EPM2A: variants seen among roughly 807,000 people sequenced by gnomAD.
The protein encoded by EPM2A is laforin.
Under a neutral mutation model 26.5 loss-of-function variants are expected in EPM2A, and 21 were observed. The observed-to-expected ratio is 0.79, with a 90% confidence interval of 0.56 to 1.14. The LOEUF (loss-of-function observed/expected upper bound fraction) is 1.14, where lower values mean the gene tolerates loss of function less well. Ranked by LOEUF, EPM2A falls within the 50% of genes most tolerant of loss-of-function variation. The pLI is 0.00. For missense variants in EPM2A, 458 were observed against 440.8 expected (o/e 1.04, Z -0.35); for synonymous variants, 217 against 177.6 (o/e 1.22, Z -1.76).
At chr6:145,443,297 T>C (rs1478203063) in intron 4 of EPM2A, among the ~76,000 whole-genome samples, 2 of 152,220 alleles carry the variant, frequency 1.3e-5, no homozygotes, top group Non-Finnish European at 2.9e-5. Context: ...AGGAATAGCA[T>C]TGAATCCAGA....
Position 145,618,050 on chromosome 6 carries a change from T to A in EPM2A, c.340+17195A>T, listed in dbSNP as rs183579511. 2.6e-5 allele frequency among the ~76,000 whole-genome samples: 4 copies of A among 152,332 alleles called. No homozygotes were observed. The East Asian group carries it at 7.7e-4, about 29-fold the overall frequency. ...GTCATAGAATGGGCCAAAGCCTGTT[T>A]GCCAAGCACTGTTTACAGTTTCTAC... On this transcript the variant is annotated intron_variant, in intron 2 of 3. Transcript: ENST00000450221.
chr6:145,419,220 A>G (rs1387352415), intron 4 of EPM2A, among the ~76,000 whole-genome samples: 2 of 122,880 alleles, frequency 1.6e-5, no homozygotes, highest in African/African-American at 5.7e-5. Flanking sequence ...GCATGGCCTC[A>G]CCATTGAACA....
At chr6:145,446,340 T>C (rs1283286162) in intron 4 of EPM2A, among the ~76,000 whole-genome samples, 1 of 152,262 alleles carries the variant, frequency 6.6e-6, no homozygotes, top group African/African-American at 2.4e-5. Context: ...TAATATGCTA[T>C]GTAGCAAAAG....
At chr6:145,581,792 T>C (rs1413453830) in intron 2 of EPM2A, among the ~76,000 whole-genome samples, 1 of 152,230 alleles carries the variant, frequency 6.6e-6, no homozygotes, top group Non-Finnish European at 1.5e-5. Flanking sequence ...AAAAATCAGA[T>C]GGTCATAGAT....
At chr6:145,576,945 G>T (rs1037526520) in intron 2 of EPM2A, among the ~76,000 whole-genome samples, 18 of 151,470 alleles carry the variant, frequency 1.2e-4, no homozygotes. Context: ...TTAGAGTTAA[G>T]TTGTTATCAG....
chr6:145,475,918 G>A (rs954665125), intron 4 of EPM2A, among the ~76,000 whole-genome samples: 1 of 151,890 alleles, frequency 6.6e-6, no homozygotes, highest in African/African-American at 2.4e-5. Flanking sequence ...GCAGCAATAA[G>A]TTCTTATTTA....
intron 2 of EPM2A, among the ~76,000 whole-genome samples, chr6:145,538,177 C>T (rs926833001): frequency 1.3e-5 from 2 of 152,040 alleles, no homozygotes; most frequent in Non-Finnish European, 2.9e-5. Flanking sequence ...GAGGAATCAC[C>T]ACACTGTCTT....
At chr6:145,632,888 T>C (rs1389718099) in intron 3 of EPM2A, among the ~76,000 whole-genome samples, 1 of 152,150 alleles carries the variant, frequency 6.6e-6, no homozygotes, top group Non-Finnish European at 1.5e-5. Flanking sequence ...GCCAAAGAAA[T>C]CCATTAGTCG....
intron 4 of EPM2A, among the ~76,000 whole-genome samples, chr6:145,494,189 A>G (rs1232019246): frequency 6.6e-6 from 1 of 152,136 alleles, no homozygotes; most frequent in Non-Finnish European, 1.5e-5. Flanking sequence ...CAGGGATTCA[A>G]TTTCTTCCTG....
At chr6:145,692,672 G>T (rs1361581622) in intron 1 of EPM2A, among the ~76,000 whole-genome samples, 1 of 152,046 alleles carries the variant, frequency 6.6e-6, no homozygotes, top group Non-Finnish European at 1.5e-5. Flanking sequence ...TTATTGAATA[G>T]GGTCCTTTCC....
intron 2 of EPM2A, among the ~76,000 whole-genome samples, chr6:145,554,477 CAGAG>C (rs923910795): frequency 6.9e-6 from 1 of 144,618 alleles, no homozygotes; most frequent in East Asian, 2.1e-4. Flanking sequence ...GATACATAGA[CAGAG>C]AGACAGATTG....
At chr6:145,398,636 G>C (rs1228436038) in intron 4 of EPM2A, among the ~76,000 whole-genome samples, 1 of 152,022 alleles carries the variant, frequency 6.6e-6, no homozygotes, top group African/African-American at 2.4e-5. Context: ...GAGGCGGGCA[G>C]ATCACTTGAA....
intron 3 of EPM2A, 76 bp downstream of exon 3, chr6:145,635,169 A>C: frequency 6.5e-7 from 1 of 1,531,954 alleles, no homozygotes. Flanking sequence ...TTAAGATATT[A>C]AATTATAGAT....
intron 4 of EPM2A, among the ~76,000 whole-genome samples, chr6:145,409,370 T>A (rs531633237): frequency 3.0e-4 from 46 of 152,192 alleles, no homozygotes; most frequent in Admixed American, 5.2e-4. Flanking sequence ...TAGGTAGCCA[T>A]TTTTATGTAT....
chr6:145,625,056 CATA>C (rs2128554533), downstream of EPM2A, among the ~76,000 whole-genome samples: 1 of 152,214 alleles, frequency 6.6e-6, no homozygotes, highest in South Asian at 2.1e-4. Context: ...CAGCTAATGG[CATA>C]ATATCTGCTT....
intron 4 of EPM2A, among the ~76,000 whole-genome samples, chr6:145,450,668 C>G (rs1340542086): frequency 6.6e-6 from 1 of 152,162 alleles, no homozygotes; most frequent in East Asian, 1.9e-4. Flanking sequence ...CTCTCCTGTG[C>G]TCTGTACTGG....
chr6:145,711,551 C>T (rs1249111909), intron 1 of EPM2A, among the ~76,000 whole-genome samples: 1 of 152,016 alleles, frequency 6.6e-6, no homozygotes, highest in South Asian at 2.1e-4. Context: ...GATACAACAT[C>T]CTAGGATTAG....
chr6:145,681,330 C>T (rs1482122242), intron 2 of EPM2A, among the ~76,000 whole-genome samples: 1 of 150,748 alleles, frequency 6.6e-6, no homozygotes, highest in Non-Finnish European at 1.5e-5. Flanking sequence ...AATTTTCTCC[C>T]ATTCTGTAGG....
At chr6:145,442,823 C>T (rs1003341415) in intron 4 of EPM2A, among the ~76,000 whole-genome samples, 15 of 151,644 alleles carry the variant, frequency 9.9e-5, no homozygotes, top group East Asian at 9.7e-4. Context: ...CCTTGTAGTA[C>T]AGTTTGAAGT....
Sources: allele counts gnomAD v4.1 joint callset (sites outside exome capture counted in the v4.1 genomes callset), GRCh38; gene constraint gnomAD v4.1.1; transcripts MANE v1.5; gene names NCBI Gene and HGNC (gene_info 2026-07-23, HGNC 2026-07-21).